The following PLEKHA8 variants were observed in gnomAD, a reference collection of about 807,000 sequenced individuals.
PLEKHA8 encodes pleckstrin homology domain containing A8.
In PLEKHA8, 36 loss-of-function variants were observed where a neutral mutation model predicts 68.2. The observed-to-expected ratio is 0.53, with a 90% confidence interval of 0.40 to 0.70. The LOEUF is 0.70. Among genes scored for constraint, PLEKHA8 ranks in the 30% least tolerant of loss-of-function variants. The pLI, the probability that PLEKHA8 is intolerant of heterozygous loss-of-function variation, is 0.00. For synonymous variants in PLEKHA8, 211 were observed against 216.1 expected (o/e 0.98, Z 0.20); for missense variants, 505 against 615.4 (o/e 0.82, Z 1.90).
chr7:30,047,373 C>T (rs963490674), intron 3 of PLEKHA8, among the ~76,000 whole-genome samples: 3 of 152,104 alleles, frequency 2.0e-5, no homozygotes, highest in Non-Finnish European at 2.9e-5. Flanking sequence ...AAATTATGAA[C>T]GGTGTTCTTA....
At position 30,079,257 on chromosome 7, in the gene PLEKHA8, A is replaced by T. The variant is rs1449100886; in HGVS notation, c.*470A>T. On this transcript the variant is annotated 3_prime_UTR_variant, in exon 14 of 14. Coordinates refer to ENST00000449726, the MANE Select transcript of PLEKHA8 (RefSeq NM_001197026.2). ...AAGCTGTGTAGAGTTTGCTGTTCCT[A>T]GATGTTCTTCAGTGGACCCTCTTCA... 33 of 990,696 alleles carry T rather than the reference A, an allele frequency of 3.3e-5. No individual in the cohort carries two copies. The highest frequency in any genetic ancestry group is 3.7e-5 in the Non-Finnish European group (31 of 833,316). 61.4% of individuals were successfully genotyped at this position (990,696 alleles called of 1,614,324 possible).
intron 12 of PLEKHA8, among the ~76,000 whole-genome samples, chr7:30,069,355 C>A (rs1794083371): frequency 6.6e-6 from 1 of 152,252 alleles, no homozygotes; most frequent in Non-Finnish European, 1.5e-5. Flanking sequence ...TTCTCTACTT[C>A]CCAGGCTTTC....
intron 13 of PLEKHA8, among the ~76,000 whole-genome samples, chr7:30,112,043 G>C (rs1796290415): frequency 6.6e-6 from 1 of 152,100 alleles, no homozygotes; most frequent in African/African-American, 2.4e-5. Flanking sequence ...GAATTTTATA[G>C]CCACAACAGA....
At chr7:30,073,615 T>C (rs913146916) in intron 12 of PLEKHA8, among the ~76,000 whole-genome samples, 7 of 151,182 alleles carry the variant, frequency 4.6e-5, no homozygotes, top group African/African-American at 1.7e-4. Flanking sequence ...TTTACTGCTT[T>C]AGATTTTTTG....
intron 13 of PLEKHA8, among the ~76,000 whole-genome samples, chr7:30,077,209 A>G (rs548576301): frequency 2.6e-4 from 40 of 152,272 alleles, no homozygotes; most frequent in Non-Finnish European, 3.1e-4. Flanking sequence ...TCTATTATAT[A>G]TAATCTGTTC....
rs75714651 is a variant in PLEKHA8 at position 30,052,640 on chromosome 7, C to CAAAAAAAAAA, written c.639-58_639-49dup. On this transcript the variant is annotated intron_variant, in intron 6 of 13. Coordinates refer to ENST00000449726, the MANE Select transcript of PLEKHA8 (RefSeq NM_001197026.2). Reference sequence around the variant, plus strand: ...GGGTGACAGAGTGGAGACCCTGTTTCAAAAAAAAAAAAAAAAAAAAGACCA... The same window carrying CAAAAAAAAAA: ...GGGTGACAGAGTGGAGACCCTGTTTCAAAAAAAAAAAAAAAAAAAAAAAAAAAAAAGACCA... The CAAAAAAAAAA allele has an allele frequency of 6.7e-4, 717 of 1,066,774 alleles. 7 individuals carry two copies. In the Admixed American group the frequency reaches 0.01, roughly 15 times the overall value. 66.1% of individuals were successfully genotyped at this position (1,066,774 alleles called of 1,614,324 possible).
chr7:30,090,372 A>G, exon 13 of PLEKHA8: 1 of 603,280 alleles, frequency 1.7e-6, no homozygotes, highest in Non-Finnish European at 2.8e-6. Context: ...ATTGCCAACC[A>G]AGTCGTCAAA....
intron 13 of PLEKHA8, among the ~76,000 whole-genome samples, chr7:30,117,271 C>G (rs932171132): frequency 6.6e-6 from 1 of 152,116 alleles, no homozygotes; most frequent in African/African-American, 2.4e-5. Flanking sequence ...CATGGCCCTT[C>G]CCACTTAAGT....
intron 13 of PLEKHA8, among the ~76,000 whole-genome samples, chr7:30,099,469 G>C (rs764849225): frequency 1.3e-4 from 20 of 152,350 alleles, no homozygotes; most frequent in Non-Finnish European, 2.4e-4. Context: ...TGTCCTTGTA[G>C]GTGAAGGCGA....
chr7:30,036,412 ATAGATAGATAG>A (rs1313457522), intron 1 of PLEKHA8, among the ~76,000 whole-genome samples: 1 of 8,048 alleles, frequency 1.2e-4, no homozygotes, highest in Non-Finnish European at 3.1e-4. Context: ...GATAGAATAG[ATAGATAGATAG>A]ATAGATAGAT....
chr7:30,070,791 G>A (rs532237179), intron 12 of PLEKHA8, among the ~76,000 whole-genome samples: 6 of 152,078 alleles, frequency 3.9e-5, no homozygotes, highest in Non-Finnish European at 7.4e-5. Context: ...TGATCCACCC[G>A]CCTCGGCCTC....
chr7:30,045,059 A>G (rs200038447), intron 1 of PLEKHA8, 26 bp from the exon 2 acceptor site: 51 of 1,518,550 alleles, frequency 3.4e-5, no homozygotes, highest in Admixed American at 5.4e-5. Flanking sequence ...CAGTAATTGC[A>G]ATGATGCTCT....
chr7:30,107,919 A>G (rs1178306708), intron 13 of PLEKHA8, among the ~76,000 whole-genome samples: 3 of 152,042 alleles, frequency 2.0e-5, no homozygotes, highest in Non-Finnish European at 4.4e-5. Context: ...AGATACAGAA[A>G]TTAGCTGGGT....
At position 30,081,107 on chromosome 7, in the gene PLEKHA8, G is replaced by A; in HGVS notation, c.*2320G>A. ...GCCATTTTGCATTTGTATAGGTAGT[G>A]ACTAGATGTACACAACTTAATTTGC... is the stretch of plus-strand genomic sequence containing the variant. On this transcript the variant is annotated 3_prime_UTR_variant, in exon 14 of 14. Transcript: ENST00000449726. 1 of 985,294 alleles carries A rather than the reference G, an allele frequency of 1.0e-6. No individual in the cohort carries two copies. Among genetic ancestry groups the A allele is most frequent in the Non-Finnish European group, 1.2e-6 (1 of 829,882 alleles). 61.0% of individuals were successfully genotyped at this position (985,294 alleles called of 1,614,324 possible).
downstream of PLEKHA8, among the ~76,000 whole-genome samples, chr7:30,094,114 A>G (rs1306466254): frequency 6.6e-6 from 1 of 152,204 alleles, no homozygotes; most frequent in Non-Finnish European, 1.5e-5. Flanking sequence ...GCTCACTCTA[A>G]CTGTACCTAG....
At position 30,078,609 on chromosome 7, in the gene PLEKHA8, C is replaced by T; in HGVS notation, c.1382C>T (p.Pro461Leu). ...GVFALALRAAPSYEDFVAALT... is the reference protein window; with the variant it reads ...GVFALALRAALSYEDFVAALT... ...TTGCAGTTAGCTTTAAGGGCAGCTCCATCCTATGAAGATTTTGTGGCCGCG... is the reference window on the plus strand; with the variant it reads ...TTGCAGTTAGCTTTAAGGGCAGCTCTATCCTATGAAGATTTTGTGGCCGCG... Residue 461 changes from proline (P) to leucine (L), a missense_variant, in exon 14 of 14, where the codon CCA (proline) becomes CTA (leucine). Coordinates refer to ENST00000449726, the MANE Select transcript of PLEKHA8 (RefSeq NM_001197026.2). The T allele has an allele frequency of 6.2e-7, 1 of 1,613,796 alleles. No individual in the cohort carries two copies. The highest frequency in any genetic ancestry group is 8.5e-7 in the Non-Finnish European group (1 of 1,179,822).
chr7:30,098,651 C>T (rs1035390917), intron 13 of PLEKHA8, among the ~76,000 whole-genome samples: 1 of 152,374 alleles, frequency 6.6e-6, no homozygotes, highest in African/African-American at 2.4e-5. Flanking sequence ...ATATAATCTC[C>T]TGTTGTGCCG....
chr7:30,089,978 G>T (rs1016133925), intron 12 of PLEKHA8, among the ~76,000 whole-genome samples: 1 of 152,140 alleles, frequency 6.6e-6, no homozygotes, highest in Non-Finnish European at 1.5e-5. Flanking sequence ...TAAAAACAGG[G>T]ATTCGAGTAA....
chr7:30,056,406 A>G (rs961912760), intron 9 of PLEKHA8, among the ~76,000 whole-genome samples: 5 of 144,504 alleles, frequency 3.5e-5, no homozygotes, highest in Admixed American at 7.1e-5. Context: ...ACACATATAT[A>G]TAACATACAT....
Sources: gnomAD v4.1 joint callset for allele counts (sites outside exome capture counted in the v4.1 genomes callset) on GRCh38, gnomAD v4.1.1 for gene constraint, MANE v1.5 for transcripts, NCBI Gene and HGNC (gene_info 2026-07-23, HGNC 2026-07-21) for gene names.